The following POU2F1 variants were observed in gnomAD, a reference collection of about 807,000 sequenced individuals.
The protein encoded by POU2F1 is POU class 2 homeobox 1.
A neutral mutation model predicts 84.9 loss-of-function variants in POU2F1; 16 were observed. The ratio of observed to expected loss-of-function variants is 0.19; its 90% confidence interval spans 0.13 to 0.29. The LOEUF (loss-of-function observed/expected upper bound fraction) is 0.29. Ranked by LOEUF, POU2F1 falls within the 10% of genes least tolerant of loss-of-function variation. The probability of loss-of-function intolerance (pLI) is 1.00; values close to 1 mark genes in which losing one functional copy is unlikely to be tolerated. For missense variants in POU2F1, 738 were observed against 942.6 expected, an observed-to-expected ratio of 0.78 and a Z score of 2.84; for synonymous variants, 368 against 368.3, an observed-to-expected ratio of 1.00 and a Z score of 0.01.
intron 1 of POU2F1, among the ~76,000 whole-genome samples, chr1:167,303,239 T>C (rs1654841742): frequency 6.6e-6 from 1 of 152,176 alleles, no homozygotes; most frequent in African/African-American, 2.4e-5. Flanking sequence ...ACGACACATA[T>C]TCAAAGAACT....
At chr1:167,280,253 G>A (rs979977910) in intron 1 of POU2F1, among the ~76,000 whole-genome samples, 8 of 150,224 alleles carry the variant, frequency 5.3e-5, no homozygotes, top group Admixed American at 4.0e-4. Flanking sequence ...TTCCTCTCCA[G>A]ATCTTATGAA....
rs1290892114 is a variant in POU2F1 at position 167,406,536 on chromosome 1, G to C, written c.1555+4980G>C. 2.6e-5 allele frequency among the ~76,000 whole-genome samples: 4 copies of C among 151,370 alleles called. No homozygotes were observed. The East Asian group carries it at 7.8e-4, about 29-fold the overall frequency. On this transcript the variant is annotated intron_variant, in intron 13 of 15. Transcript: ENST00000367866. Reference sequence around the variant, plus strand: ...AGGTTATAGCCTCCAGTAAGGGGGAGAAAAAAAACGGAAGACAATTTGGAA... The same window carrying C: ...AGGTTATAGCCTCCAGTAAGGGGGACAAAAAAAACGGAAGACAATTTGGAA...
At chr1:167,399,968 C>CTTTTT (rs67562017) in intron 12 of POU2F1, among the ~76,000 whole-genome samples, 15 of 61,426 alleles carry the variant, frequency 2.4e-4, no homozygotes, top group Non-Finnish European at 3.3e-4. Flanking sequence ...CATTCCCAGT[C>CTTTTT]TTTTTTTTTT....
intron 1 of POU2F1, among the ~76,000 whole-genome samples, chr1:167,263,929 C>T (rs1036026426): frequency 6.6e-6 from 1 of 152,166 alleles, no homozygotes; most frequent in Admixed American, 6.5e-5. Context: ...GGGATGAAAG[C>T]TCTTCTATTA....
chr1:167,411,094 C>T (rs1311684889), intron 13 of POU2F1, among the ~76,000 whole-genome samples: 1 of 149,832 alleles, frequency 6.7e-6, no homozygotes, highest in African/African-American at 2.5e-5. Context: ...GGCTGGAGTG[C>T]AGTGGCGCAA....
intron 2 of POU2F1, among the ~76,000 whole-genome samples, chr1:167,341,785 G>A (rs557599610): frequency 5.9e-4 from 90 of 152,278 alleles, no homozygotes; most frequent in African/African-American, 1.9e-3. Flanking sequence ...CTTGTGCGGC[G>A]TCCAGGAAGA....
intron 13 of POU2F1, among the ~76,000 whole-genome samples, chr1:167,407,929 C>T (rs1649695987): frequency 6.6e-6 from 1 of 152,120 alleles, no homozygotes; most frequent in Non-Finnish European, 1.5e-5. Flanking sequence ...AAAGTAAAAT[C>T]TTTTGTGCTT....
At chr1:167,234,575 A>C (rs1183960338) in intron 1 of POU2F1, among the ~76,000 whole-genome samples, 1 of 152,114 alleles carries the variant, frequency 6.6e-6, no homozygotes, top group Non-Finnish European at 1.5e-5. Flanking sequence ...CTGCAAAAAA[A>C]TTTAAAATAA....
intron 1 of POU2F1, among the ~76,000 whole-genome samples, chr1:167,319,453 G>A (rs184054371): frequency 1.8e-3 from 271 of 152,072 alleles, no homozygotes; most frequent in African/African-American, 6.2e-3. Context: ...GTGGTGTCCC[G>A]TAGTTCCTGT....
At chr1:167,257,659 A>G (rs1255136726) in intron 1 of POU2F1, among the ~76,000 whole-genome samples, 2 of 152,216 alleles carry the variant, frequency 1.3e-5, no homozygotes, top group East Asian at 3.8e-4. Flanking sequence ...ATCTATTTAG[A>G]CAAGACTTTG....
chr1:167,292,547 A>G (rs958717990), intron 1 of POU2F1, among the ~76,000 whole-genome samples: 10 of 151,956 alleles, frequency 6.6e-5, no homozygotes, highest in Middle Eastern at 6.8e-3. Flanking sequence ...GCTGAATTCT[A>G]CCAAACATTA....
chr1:167,389,404 A>G (rs1648218941), intron 8 of POU2F1, among the ~76,000 whole-genome samples, 184 bp from the exon 9 acceptor site: 1 of 152,216 alleles, frequency 6.6e-6, no homozygotes, highest in South Asian at 2.1e-4. Flanking sequence ...AATTACTTGT[A>G]ATTACAGTAT....
At chr1:167,268,909 G>A (rs1463530223) in intron 1 of POU2F1, among the ~76,000 whole-genome samples, 1 of 152,178 alleles carries the variant, frequency 6.6e-6, no homozygotes, top group Non-Finnish European at 1.5e-5. Flanking sequence ...TAAAAATCCT[G>A]TATTTTTAAA....
At position 167,424,346 on chromosome 1, in the gene POU2F1, T is replaced by G. The variant is rs1310676635; in HGVS notation, c.*8536T>G. Reference sequence around the variant, plus strand: ...AAAGAAAGACTTCCAGCTTCTTACCTCTGCGTGCATGGGCACGTGTGCATT... The same window carrying G: ...AAAGAAAGACTTCCAGCTTCTTACCGCTGCGTGCATGGGCACGTGTGCATT... On this transcript the variant is annotated 3_prime_UTR_variant, in exon 16 of 16. Transcript: ENST00000367866. The G allele has an allele frequency of 6.6e-6, 1 of 152,284 alleles. No homozygotes were observed. Among genetic ancestry groups the G allele is most frequent in the African/African-American group, 2.4e-5 (1 of 41,466 alleles). 9.4% of individuals were successfully genotyped at this position (152,284 alleles called of 1,614,324 possible).
intron 1 of POU2F1, among the ~76,000 whole-genome samples, chr1:167,237,746 G>GTATATATATATATATA (rs58988722): frequency 5.5e-5 from 4 of 73,002 alleles, no homozygotes; most frequent in African/African-American, 1.6e-4. Flanking sequence ...ATGTGTGTGT[G>GTATATATATATATATA]TATATATATA....
chr1:167,246,887 A>G (rs754740509), intron 1 of POU2F1, among the ~76,000 whole-genome samples: 15 of 152,174 alleles, frequency 9.9e-5, no homozygotes, highest in Admixed American at 9.2e-4. Flanking sequence ...AAATCATCAA[A>G]ATGAAACTGA....
chr1:167,374,348 G>A lies in POU2F1; in HGVS notation c.591+52G>A, dbSNP rs756389190. On this transcript the variant is annotated intron_variant, in intron 6 of 15. Coordinates refer to ENST00000367866, the MANE Select transcript of POU2F1 (RefSeq NM_002697.4). ...GCAGCAAGTGAGGAATAAAGTGGCAGGTTTTATTTAATGTTAGATTAACTT... is the reference window on the plus strand; with the variant it reads ...GCAGCAAGTGAGGAATAAAGTGGCAAGTTTTATTTAATGTTAGATTAACTT... 2.0e-6 allele frequency: 3 copies of A among 1,489,420 alleles called. No individual in the cohort carries two copies. In the Admixed American group the frequency reaches 7.0e-5, roughly 35 times the overall value. The allele number at this position is 1,489,420 out of a possible 1,614,324, so 92.3% of individuals were successfully genotyped here.
intron 1 of POU2F1, among the ~76,000 whole-genome samples, chr1:167,222,386 A>G (rs925885830): frequency 1.1e-4 from 16 of 152,058 alleles, no homozygotes; most frequent in Admixed American, 1.0e-3. Flanking sequence ...CCCGCCTCTC[A>G]TGTTTAGTAA....
Position 167,383,803 on chromosome 1 carries a change from C to T in POU2F1, c.719-54C>T. The T allele has an allele frequency of 2.7e-6, 4 of 1,460,538 alleles. No individual in the cohort carries two copies. The Admixed American group carries it at 5.4e-5, about 20-fold the overall frequency. 90.5% of individuals were successfully genotyped at this position (1,460,538 alleles called of 1,614,324 possible). Reference sequence around the variant, plus strand: ...TTTTCTGATTCTTTCTTTCTTTTGCCATGTGTTCGAAGAAATCTTTAATGT... The same window carrying T: ...TTTTCTGATTCTTTCTTTCTTTTGCTATGTGTTCGAAGAAATCTTTAATGT... On this transcript the variant is annotated intron_variant, in intron 7 of 15. Coordinates refer to ENST00000367866, the MANE Select transcript of POU2F1 (RefSeq NM_002697.4).
Sources: gnomAD v4.1 joint callset for allele counts (sites outside exome capture counted in the v4.1 genomes callset) on GRCh38, gnomAD v4.1.1 for gene constraint, MANE v1.5 for transcripts, NCBI Gene and HGNC (gene_info 2026-07-23, HGNC 2026-07-21) for gene names.